Variants in ESR2 observed in about 807,000 individuals in gnomAD.
The protein encoded by ESR2 is estrogen receptor 2.
ESR2 carries 36 observed loss-of-function variants against 49.6 expected under a neutral mutation model. The observed-to-expected ratio is 0.73, with a 90% CI of 0.56 to 0.96. The LOEUF (loss-of-function observed/expected upper bound fraction) is 0.96, where lower values mean the gene tolerates loss of function less well. Among genes scored for constraint, ESR2 ranks in the 40% least tolerant of loss-of-function variants. ESR2 has a pLI of 0.00. For missense variants in ESR2, 714 were observed against 693.0 expected, an observed-to-expected ratio of 1.03 and a Z score of -0.34; for synonymous variants, 320 against 266.1, an observed-to-expected ratio of 1.20 and a Z score of -1.97.
At chr14:64,259,237 C>A (rs1039713360) in intron 5 of ESR2, among the ~76,000 whole-genome samples, 2 of 152,228 alleles carry the variant, frequency 1.3e-5, no homozygotes, top group African/African-American at 4.8e-5. Flanking sequence ...CCTCAGGAAG[C>A]TCAGAAGAAA....
chr14:64,253,604 G>GTGTGTGTGTGTGTGTA (rs375688515), intron 6 of ESR2, among the ~76,000 whole-genome samples: 4 of 142,800 alleles, frequency 2.8e-5, no homozygotes, highest in South Asian at 4.5e-4. Context: ...GTGTGTGTGT[G>GTGTGTGTGTGTGTGTA]TATGTATGTG....
intron 7 of ESR2, among the ~76,000 whole-genome samples, chr14:64,247,806 A>AT (rs1479475519): frequency 6.6e-6 from 1 of 152,230 alleles, no homozygotes. Context: ...AAAATAACAC[A>AT]TCTCTATTTA....
intron 1 of ESR2, among the ~76,000 whole-genome samples, chr14:64,305,283 T>G (rs1596477273): frequency 8.3e-6 from 1 of 119,944 alleles, no homozygotes; most frequent in Non-Finnish European, 1.6e-5. Context: ...AGAGCGAGAC[T>G]CCGTCTCAAA....
chr14:64,322,232 T>C (rs1177825698), intron 1 of ESR2, among the ~76,000 whole-genome samples: 2 of 152,130 alleles, frequency 1.3e-5, no homozygotes, highest in Non-Finnish European at 2.9e-5. Flanking sequence ...CTAATTTTTG[T>C]ATTTTTGGTA....
intron 1 of ESR2, among the ~76,000 whole-genome samples, chr14:64,292,240 G>C (rs554031271): frequency 8.2e-6 from 1 of 122,090 alleles, no homozygotes; most frequent in South Asian, 2.5e-4. Flanking sequence ...AAGAAGTAAA[G>C]GAAAATATGT....
chr14:64,232,200 TGTG>T lies in ESR2; in HGVS notation c.*934_*936del, dbSNP rs2098727890. Reference sequence around the variant, plus strand: ...ACAGCCCAAAGTATCCCTGACTACTTGTGGTGACTGATGGGGCAATTGTGGCTG... The same window carrying T: ...ACAGCCCAAAGTATCCCTGACTACTTGTGACTGATGGGGCAATTGTGGCTG... On this transcript the variant is annotated 3_prime_UTR_variant, in exon 9 of 9. Transcript: ENST00000341099. 1 of 152,202 alleles carries T rather than the reference TGTG, an allele frequency of 6.6e-6. No homozygotes were observed. The allele number at this position is 152,202 out of a possible 1,614,324, so 9.4% of individuals were successfully genotyped here.
chr14:64,335,209 T>G (rs2077513800), intron 1 of ESR2, among the ~76,000 whole-genome samples: 1 of 152,110 alleles, frequency 6.6e-6, no homozygotes, highest in Non-Finnish European at 1.5e-5. Flanking sequence ...CACAAAGGAG[T>G]AACTTTTGTT....
chr14:64,273,502 G>C (rs181854739), intron 3 of ESR2, among the ~76,000 whole-genome samples: 3 of 152,164 alleles, frequency 2.0e-5, no homozygotes, highest in Admixed American at 1.3e-4. Flanking sequence ...TTTTTTAAGG[G>C]TTTTTATCAT....
chr14:64,272,743 G>C (rs565041288), intron 3 of ESR2, among the ~76,000 whole-genome samples: 4 of 152,276 alleles, frequency 2.6e-5, no homozygotes, highest in African/African-American at 7.2e-5. Flanking sequence ...TTTTAGGCTA[G>C]TACCACGTTG....
At chr14:64,268,548 T>C (rs1361918398) in intron 4 of ESR2, among the ~76,000 whole-genome samples, 2 of 152,222 alleles carry the variant, frequency 1.3e-5, no homozygotes, top group African/African-American at 2.4e-5. Context: ...TCAGACCACT[T>C]GAACTCTAGA....
At chr14:64,249,450 A>G (rs2075941031) in intron 7 of ESR2, 96 bp downstream of exon 7, 1 of 1,384,300 alleles carries the variant, frequency 7.2e-7, no homozygotes. Context: ...ACCCTTTCAA[A>G]TAAAATAGAA....
chr14:64,271,611 G>C (rs1280865042), intron 3 of ESR2, among the ~76,000 whole-genome samples: 1 of 152,158 alleles, frequency 6.6e-6, no homozygotes. Flanking sequence ...CAGGCATGAG[G>C]CACTGCAATT....
intron 1 of ESR2, among the ~76,000 whole-genome samples, chr14:64,320,809 C>A (rs892705019): frequency 1.3e-5 from 2 of 152,056 alleles, no homozygotes; most frequent in Non-Finnish European, 2.9e-5. Context: ...GCAGGAGAAT[C>A]TTTTGAACCC....
intron 4 of ESR2, among the ~76,000 whole-genome samples, chr14:64,263,904 C>A (rs927259478): frequency 2.0e-5 from 3 of 152,128 alleles, no homozygotes; most frequent in African/African-American, 7.2e-5. Context: ...TGAAGAAAAT[C>A]TTAAAATAGG....
chr14:64,236,385 C>T (rs1419314480), intron 7 of ESR2, among the ~76,000 whole-genome samples: 1 of 152,100 alleles, frequency 6.6e-6, no homozygotes, highest in Non-Finnish European at 1.5e-5. Flanking sequence ...CACTGTCGCC[C>T]CAGAGATGAC....
chr14:64,280,161 G>A lies in ESR2; in HGVS notation c.363-8C>T. The A allele has an allele frequency of 6.2e-7, 1 of 1,611,726 alleles. No individual in the cohort carries two copies. Among genetic ancestry groups the A allele is most frequent in the Non-Finnish European group, 8.5e-7 (1 of 1,178,080 alleles). On this transcript the variant is annotated splice_polypyrimidine_tract_variant and splice_region_variant and intron_variant, in intron 2 of 8. Transcript: ENST00000341099. The stretch of plus-strand genomic sequence containing the variant: ...TTCCTTTTCAGTGTCTCTCTAGGGA[G>A]CAAAGAAAATATCCATTGAACAGAG...
intron 7 of ESR2, among the ~76,000 whole-genome samples, chr14:64,238,347 A>G (rs1373070480): frequency 6.6e-6 from 1 of 151,854 alleles, no homozygotes; most frequent in East Asian, 1.9e-4. Flanking sequence ...CATTTTACAT[A>G]TGGTGGGGTA....
upstream of ESR2, among the ~76,000 whole-genome samples, chr14:64,294,609 C>T (rs2076929309): frequency 6.6e-6 from 1 of 152,182 alleles, no homozygotes; most frequent in Admixed American, 6.5e-5. Flanking sequence ...TGGAGTAGGG[C>T]CTGAGAATAT....
chr14:64,268,680 T>C, intron 4 of ESR2, 115 bp downstream of exon 4: 1 of 686,026 alleles, frequency 1.5e-6, no homozygotes, highest in South Asian at 1.7e-5. Context: ...AACACGCAAA[T>C]ACTTAATTAC....
Sources: gnomAD v4.1 joint callset for allele counts (sites outside exome capture counted in the v4.1 genomes callset) on GRCh38, gnomAD v4.1.1 for gene constraint, MANE v1.5 for transcripts, NCBI Gene and HGNC (gene_info 2026-07-23, HGNC 2026-07-21) for gene names.